Variants in EPHB2 observed in about 807,000 individuals in gnomAD.
EPHB2 encodes the protein EPH receptor B2.
EPHB2 carries 18 observed loss-of-function variants against 96.4 expected under a neutral mutation model. The ratio of observed to expected loss-of-function variants is 0.19; its 90% CI spans 0.13 to 0.28. EPHB2 has a LOEUF of 0.28. EPHB2 is among the 10% of genes least tolerant of loss of function. The pLI, the probability that EPHB2 is intolerant of heterozygous loss-of-function variation, is 1.00. For synonymous variants in EPHB2, 506 were observed against 534.1 expected, an observed-to-expected ratio of 0.95 and a Z score of 0.72; for missense variants, 989 against 1,355.4, an observed-to-expected ratio of 0.73 and a Z score of 4.25.
intron 3 of EPHB2, among the ~76,000 whole-genome samples, chr1:22,814,152 G>A (rs1349834107): frequency 6.6e-6 from 1 of 151,994 alleles, no homozygotes; most frequent in African/African-American, 2.4e-5. Flanking sequence ...CCTGGGCAAC[G>A]AGAGCGAAAC....
chr1:22,723,101 G>A (rs974996913), intron 1 of EPHB2, among the ~76,000 whole-genome samples: 3 of 152,232 alleles, frequency 2.0e-5, no homozygotes, highest in Non-Finnish European at 2.9e-5. Flanking sequence ...TTATGGCGAC[G>A]ACATATGTCC....
At chr1:22,876,871 C>T (rs1016971280) in intron 5 of EPHB2, among the ~76,000 whole-genome samples, 1 of 152,204 alleles carries the variant, frequency 6.6e-6, no homozygotes, top group East Asian at 1.9e-4. Flanking sequence ...CTCCTTGCCA[C>T]GCCTGGGGTT....
At chr1:22,741,640 C>T (rs796653908) in intron 1 of EPHB2, among the ~76,000 whole-genome samples, 2 of 136,148 alleles carry the variant, frequency 1.5e-5, no homozygotes, top group Admixed American at 8.2e-5. Flanking sequence ...TCAGGGAAGG[C>T]GGGTTATATT....
chr1:22,748,897 A>C (rs1355202191), intron 1 of EPHB2, among the ~76,000 whole-genome samples: 2 of 149,794 alleles, frequency 1.3e-5, no homozygotes, highest in African/African-American at 4.9e-5. Flanking sequence ...TTACTTTTGC[A>C]CCAACCTAGT....
rs180810439 is a variant in EPHB2, at chr1:22,816,384, A to G, written c.811+31308A>G. On this transcript the variant is annotated intron_variant, in intron 3 of 15. Transcript: ENST00000374630. ...CCGTGGAAGTTTCTGGCTGGTCACA[A>G]TCCCAGTCCTGCCTCCTGCCTTCTT... Among the ~76,000 whole-genome samples, 4 of 152,212 alleles carry G rather than the reference A, an allele frequency of 2.6e-5. No individual in the cohort carries two copies. The East Asian group carries it at 7.7e-4, about 29-fold the overall frequency.
At chr1:22,800,796 A>ACACACT (rs751937402) in intron 3 of EPHB2, among the ~76,000 whole-genome samples, 55 of 95,588 alleles carry the variant, frequency 5.8e-4, no homozygotes, top group African/African-American at 1.8e-3. Flanking sequence ...ACACACACAC[A>ACACACT]CTCTCTCTCT....
At chr1:22,849,501 G>A (rs4655130) in intron 3 of EPHB2, among the ~76,000 whole-genome samples, 97,215 of 152,094 alleles carry the variant, frequency 0.64, 31,626 homozygotes, top group East Asian at 0.94. Context: ...TGGAACAACC[G>A]TTGCAGATTT....
intron 4 of EPHB2, among the ~76,000 whole-genome samples, chr1:22,863,561 C>T (rs903324723): frequency 6.6e-6 from 1 of 152,204 alleles, no homozygotes; most frequent in African/African-American, 2.4e-5. Context: ...AATCACAGCC[C>T]AAGGTCCTCT....
chr1:22,906,573 C>T lies in EPHB2; in HGVS notation c.1889-137C>T. On this transcript the variant is annotated intron_variant, in intron 10 of 15. Transcript: ENST00000374630. The surrounding 1 kb of genome is among the most constrained non-coding windows in gnomAD (Gnocchi z 4.8). ...GACCCCTGACATTCTTGAAGGGGTT[C>T]TGTGTCTGCAAGGATGAGTGGGCCA... The T allele has an allele frequency of 2.2e-6, 3 of 1,354,026 alleles. No individual in the cohort carries two copies. The highest frequency in any genetic ancestry group is 2.0e-6 in the Non-Finnish European group (2 of 986,096). The allele number at this position is 1,354,026 out of a possible 1,614,324, so 83.9% of individuals were successfully genotyped here. A position where few individuals can be genotyped will look rare whatever the true frequency, so the allele number is the denominator to read the frequency against.
intron 5 of EPHB2, among the ~76,000 whole-genome samples, chr1:22,878,261 G>T (rs1369344042): frequency 6.6e-6 from 1 of 152,254 alleles, no homozygotes; most frequent in Non-Finnish European, 1.5e-5. Context: ...TGTGAATGGA[G>T]CAGCCCCTGC....
chr1:22,824,287 G>C (rs1231827512), intron 3 of EPHB2, among the ~76,000 whole-genome samples: 1 of 150,960 alleles, frequency 6.6e-6, no homozygotes, highest in East Asian at 1.9e-4. Flanking sequence ...GAGGGAAGAA[G>C]GAAGGAAGGA....
intron 1 of EPHB2, among the ~76,000 whole-genome samples, chr1:22,751,184 G>C (rs1644056826): frequency 6.6e-6 from 1 of 152,224 alleles, no homozygotes; most frequent in South Asian, 2.1e-4. Flanking sequence ...GGAGGGGGAT[G>C]CTCTGAAGAA....
intron 5 of EPHB2, among the ~76,000 whole-genome samples, chr1:22,880,010 A>G (rs1638981287): frequency 6.6e-6 from 1 of 150,718 alleles, no homozygotes; most frequent in African/African-American, 2.4e-5. Flanking sequence ...GCGGGAGGGG[A>G]GTCTGGACCT....
chr1:22,815,912 T>C (rs945798829), intron 3 of EPHB2, among the ~76,000 whole-genome samples: 4 of 152,186 alleles, frequency 2.6e-5, no homozygotes, highest in African/African-American at 9.7e-5. Flanking sequence ...GAAGCCACCA[T>C]GTCCATCGGG....
chr1:22,762,703 C>T (rs1380271978), intron 1 of EPHB2, among the ~76,000 whole-genome samples: 1 of 152,202 alleles, frequency 6.6e-6, no homozygotes, highest in Non-Finnish European at 1.5e-5. Flanking sequence ...AAGGAGACAT[C>T]AGCAAGCACT....
intron 9 of EPHB2, among the ~76,000 whole-genome samples, chr1:22,902,405 A>G (rs1196273067): frequency 6.6e-6 from 1 of 152,242 alleles, no homozygotes; most frequent in African/African-American, 2.4e-5. Flanking sequence ...CCACCTTCAC[A>G]TAAGTACTCC....
At chr1:22,892,089 A>G (rs939893127) in intron 6 of EPHB2, among the ~76,000 whole-genome samples, 6 of 151,738 alleles carry the variant, frequency 4.0e-5, no homozygotes, top group Admixed American at 3.9e-4. Context: ...GAGCCACCGT[A>G]TCCAGCCTGG....
chr1:22,881,663 C>T (rs910456805), intron 5 of EPHB2, among the ~76,000 whole-genome samples: 1 of 152,196 alleles, frequency 6.6e-6, no homozygotes, highest in African/African-American at 2.4e-5. Flanking sequence ...GGCATGATCT[C>T]GGCTCACAGA....
chr1:22,778,777 C>T (rs1644488058), intron 1 of EPHB2, among the ~76,000 whole-genome samples: 1 of 152,188 alleles, frequency 6.6e-6, no homozygotes, highest in Admixed American at 6.5e-5. Flanking sequence ...ACAGTGGGGC[C>T]CCCCACCCTA....
Sources: gnomAD v4.1 joint callset for allele counts (sites outside exome capture counted in the v4.1 genomes callset) on GRCh38, gnomAD v4.1.1 for gene constraint, Gnocchi (gnomAD v3.1) non-coding constraint, MANE v1.5 for transcripts, NCBI Gene and HGNC (gene_info 2026-07-23, HGNC 2026-07-21) for gene names.